TMEM68: variants seen among roughly 807,000 people sequenced by gnomAD.
TMEM68 encodes the protein transmembrane protein 68, also known as DGAT1/2-independent enzyme synthesizing storage lipids.
A neutral mutation model predicts 36.9 loss-of-function variants in TMEM68; 25 were observed. The observed-to-expected ratio is 0.68, with a 90% CI of 0.49 to 0.95. TMEM68 has a LOEUF of 0.95. Ranked by LOEUF, TMEM68 falls within the 40% of genes least tolerant of loss-of-function variation. The pLI, the probability that TMEM68 is intolerant of heterozygous loss-of-function variation, is 0.00. For synonymous variants in TMEM68, 131 were observed against 124.4 expected (o/e 1.05, Z -0.35); for missense variants, 333 against 392.0 (o/e 0.85, Z 1.27).
chr8:55,760,482 G>A (rs904012859), intron 3 of TMEM68, among the ~76,000 whole-genome samples: 2 of 152,214 alleles, frequency 1.3e-5, no homozygotes, highest in Non-Finnish European at 2.9e-5. Flanking sequence ...AGTTCTTAGG[G>A]CCATATTCCT....
At position 55,762,872 on chromosome 8, in the gene TMEM68, C is replaced by T; in HGVS notation, c.88G>A (p.Gly30Ser). The change falls in exon 3 of 8, where the codon GGT becomes AGT. Residue 30 changes from glycine (G) to serine (S), a missense_variant. By Grantham distance (56) the Gly-to-Ser change is moderately conservative. Transcript: ENST00000434581. The stretch of plus-strand genomic sequence containing the variant: ...AAATAGTCCTCCAACTGCTCCACAC[C>T]AAACCATTCTTCGAGTATGTGAATC... ...CLIHILEEWF[G>S]VEQLEDYLNF... 2 of 1,614,150 alleles carry T rather than the reference C, an allele frequency of 1.2e-6. No individual in the cohort carries two copies. Among genetic ancestry groups the T allele is most frequent in the Non-Finnish European group, 8.5e-7 (1 of 1,180,016 alleles).
At chr8:55,767,677 C>A (rs538476187) in intron 1 of TMEM68, among the ~76,000 whole-genome samples, 1 of 152,306 alleles carries the variant, frequency 6.6e-6, no homozygotes, top group East Asian at 1.9e-4. Context: ...GTGGCTCACA[C>A]CTGTAAACCC....
chr8:55,751,440 A>C, intron 4 of TMEM68: 1 of 422,594 alleles, frequency 2.4e-6, no homozygotes, highest in Non-Finnish European at 4.3e-6. Context: ...GCTTGCTCAA[A>C]GTCACACATC....
chr8:55,745,863 CA>C (rs1563427193), intron 5 of TMEM68: 1 of 152,164 alleles, frequency 6.6e-6, no homozygotes, highest in East Asian at 1.9e-4. Flanking sequence ...CACCTGGCTC[CA>C]AAGGGAAATT....
chr8:55,745,042 C>T lies in TMEM68; in HGVS notation c.748+19G>A. The T allele has an allele frequency of 6.9e-7, 1 of 1,444,128 alleles. No homozygotes were observed. The highest frequency in any genetic ancestry group is 9.1e-7 in the Non-Finnish European group (1 of 1,095,478). 89.5% of individuals were successfully genotyped at this position (1,444,128 alleles called of 1,614,324 possible). On this transcript the variant is annotated intron_variant, in intron 6 of 7. Transcript: ENST00000434581. ...TAAAAATTACATTGTAATTTAAAAC[C>T]ATACAAATCAGAACTTACTTGTTCC...
At chr8:55,759,815 A>G (rs1337206266) in intron 3 of TMEM68, among the ~76,000 whole-genome samples, 1 of 152,192 alleles carries the variant, frequency 6.6e-6, no homozygotes, top group African/African-American at 2.4e-5. Flanking sequence ...GTACAATCTT[A>G]TTACATGTGG....
Position 55,762,624 on chromosome 8 carries a change from T to C in TMEM68, c.325+11A>G. Reference sequence around the variant, plus strand: ...GAATGGCAACACAAAGGTGAAAGTATCCTTGCTTACCATGCCAAACGGCTG... The same window carrying C: ...GAATGGCAACACAAAGGTGAAAGTACCCTTGCTTACCATGCCAAACGGCTG... On this transcript the variant is annotated intron_variant, in intron 3 of 7. Coordinates refer to ENST00000434581, the MANE Select transcript of TMEM68 (RefSeq NM_001286657.2). The C allele has an allele frequency of 3.1e-6, 5 of 1,614,164 alleles. No individual in the cohort carries two copies. The highest frequency in any genetic ancestry group is 3.4e-6 in the Non-Finnish European group (4 of 1,180,024).
intron 3 of TMEM68, among the ~76,000 whole-genome samples, chr8:55,759,479 G>T (rs895684293): frequency 6.6e-6 from 1 of 152,058 alleles, no homozygotes; most frequent in Admixed American, 6.5e-5. Flanking sequence ...GCTCAGGCAG[G>T]AGAATCGCTC....
intron 3 of TMEM68, among the ~76,000 whole-genome samples, chr8:55,758,865 C>T (rs1271405931): frequency 6.6e-6 from 1 of 151,728 alleles, no homozygotes; most frequent in Non-Finnish European, 1.5e-5. Flanking sequence ...GATACATGCA[C>T]AATCAGATTA....
At chr8:55,755,017 G>A (rs1291210123) in intron 4 of TMEM68, among the ~76,000 whole-genome samples, 2 of 146,234 alleles carry the variant, frequency 1.4e-5, no homozygotes, top group African/African-American at 5.1e-5. Flanking sequence ...TAGTCTTCAC[G>A]GCTGGGTGCA....
chr8:55,759,869 T>G (rs1810730199), intron 3 of TMEM68, among the ~76,000 whole-genome samples: 1 of 152,170 alleles, frequency 6.6e-6, no homozygotes, highest in Non-Finnish European at 1.5e-5. Flanking sequence ...TACAAGAAAA[T>G]CTCTGTCCTG....
intron 1 of TMEM68, among the ~76,000 whole-genome samples, chr8:55,765,085 T>A (rs1003949234): frequency 6.6e-6 from 1 of 151,812 alleles, no homozygotes; most frequent in Non-Finnish European, 1.5e-5. Flanking sequence ...AAAATAAAAA[T>A]AAAAAAAGTC....
At chr8:55,754,498 TACAC>T (rs1237291676) in intron 4 of TMEM68, among the ~76,000 whole-genome samples, 6 of 130,152 alleles carry the variant, frequency 4.6e-5, no homozygotes, top group South Asian at 2.4e-4. Flanking sequence ...CACACATACA[TACAC>T]ACACACACGT....
chr8:55,756,626 T>C (rs1296347286), intron 3 of TMEM68, among the ~76,000 whole-genome samples: 1 of 152,094 alleles, frequency 6.6e-6, no homozygotes, highest in East Asian at 1.9e-4. Context: ...GCAGACAACC[T>C]GTGTGGAGAG....
At chr8:55,748,576 AG>A (rs991556543) in intron 5 of TMEM68, among the ~76,000 whole-genome samples, 4 of 146,354 alleles carry the variant, frequency 2.7e-5, no homozygotes, top group African/African-American at 1.1e-4. Flanking sequence ...GGAGGGAGGA[AG>A]GGGGGGAGAG....
chr8:55,770,142 T>C (rs1195945062), intron 1 of TMEM68, among the ~76,000 whole-genome samples: 1 of 152,240 alleles, frequency 6.6e-6, no homozygotes, highest in East Asian at 1.9e-4. Context: ...CAAGTTTGCT[T>C]GCTTAAAATT....
In TMEM68 at chr8:55,763,953, T is replaced by C. The variant is rs1243961570; in HGVS notation, c.-87A>G. 4.6e-5 allele frequency: 7 copies of C among 152,212 alleles called. No individual in the cohort carries two copies. Among genetic ancestry groups the C allele is most frequent in the Non-Finnish European group, 1.0e-4 (7 of 68,050 alleles). The allele number at this position is 152,212 out of a possible 1,614,324, so 9.4% of individuals were successfully genotyped here. On this transcript the variant is annotated 5_prime_UTR_variant, in exon 2 of 8. Coordinates refer to ENST00000434581, the MANE Select transcript of TMEM68 (RefSeq NM_001286657.2). The stretch of plus-strand genomic sequence containing the variant: ...GGACTTACCAGAAGTTAGATAAATA[T>C]CTTGTCCCAAACTTCAATGTCTCTA...
intron 3 of TMEM68, chr8:55,760,915 AC>A (rs1380792950): frequency 3.9e-5 from 6 of 152,238 alleles, no homozygotes; most frequent in Admixed American, 3.9e-4. Context: ...TTGAGGATCA[AC>A]TGTCCCATCA....
At chr8:55,767,718 A>G (rs1396979828) in intron 1 of TMEM68, among the ~76,000 whole-genome samples, 1 of 152,040 alleles carries the variant, frequency 6.6e-6, no homozygotes, top group African/African-American at 2.4e-5. Flanking sequence ...CGGGAGGATC[A>G]CCTGAGGTTA....
Sources: allele counts gnomAD v4.1 joint callset (sites outside exome capture counted in the v4.1 genomes callset), GRCh38; gene constraint gnomAD v4.1.1; transcripts MANE v1.5; gene names NCBI Gene and HGNC (gene_info 2026-07-23, HGNC 2026-07-21).